The following POM121C variants were observed in gnomAD, a reference collection of about 807,000 sequenced individuals.
POM121C encodes POM121 transmembrane nucleoporin C, also known as nuclear envelope pore membrane protein POM 121C.
A neutral mutation model predicts 66.4 loss-of-function variants in POM121C; 20 were observed. That is an observed-to-expected ratio of 0.30 (90% CI 0.21 to 0.44). POM121C has a LOEUF of 0.44. POM121C is among the 20% of genes least tolerant of loss of function. The pLI is 1.00. For missense variants in POM121C, 580 were observed against 1,225.7 expected, an observed-to-expected ratio of 0.47 and a Z score of 7.87; for synonymous variants, 286 against 528.0, an observed-to-expected ratio of 0.54 and a Z score of 6.28.
intron 13 of POM121C, 123 bp downstream of exon 13, chr7:75,421,386 C>G: frequency 4.0e-6 from 6 of 1,505,650 alleles, no homozygotes; most frequent in Non-Finnish European, 4.4e-6. Context: ...TGGCATCTCA[C>G]TGAGTTCTAT....
chr7:75,460,265 A>G (rs879835049), intron 3 of POM121C, among the ~76,000 whole-genome samples: 26 of 145,456 alleles, frequency 1.8e-4, no homozygotes, highest in African/African-American at 4.4e-4. Flanking sequence ...GCCGAGGCGG[A>G]GGGAATCACT....
At chr7:75,439,086 C>T in intron 6 of POM121C, 58 bp downstream of exon 6, 4 of 1,583,868 alleles carry the variant, frequency 2.5e-6, no homozygotes, top group Non-Finnish European at 3.5e-6. Flanking sequence ...AGGGCAACAG[C>T]TCTGATCAGG....
At chr7:75,424,718 G>C in intron 10 of POM121C, 90 bp from the exon 11 acceptor site, 1 of 1,538,340 alleles carries the variant, frequency 6.5e-7, no homozygotes. Context: ...CAGCACTCTG[G>C]GAGGCCAAGC....
intron 14 of POM121C, 62 bp downstream of exon 14, chr7:75,419,258 G>A: frequency 6.5e-7 from 1 of 1,540,922 alleles, no homozygotes; most frequent in Non-Finnish European, 8.7e-7. Flanking sequence ...CCAGGAGCCT[G>A]CCACCCCACC....
intron 3 of POM121C, among the ~76,000 whole-genome samples, chr7:75,461,285 C>G (rs1222090646): frequency 3.9e-5 from 6 of 152,074 alleles, no homozygotes; most frequent in Non-Finnish European, 7.4e-5. Context: ...AATCAGCAAA[C>G]AATACAATAA....
chr7:75,453,965 T>C (rs1554476022), intron 3 of POM121C, among the ~76,000 whole-genome samples: 1 of 152,232 alleles, frequency 6.6e-6, no homozygotes, highest in Non-Finnish European at 1.5e-5. Context: ...GTCCGGCAGC[T>C]TACTTCTAAG....
chr7:75,458,715 TAC>T (rs1484588740), intron 3 of POM121C, among the ~76,000 whole-genome samples: 1 of 152,046 alleles, frequency 6.6e-6, no homozygotes, highest in Non-Finnish European at 1.5e-5. Context: ...AAACAGGAAC[TAC>T]AGTCTCATAA....
At chr7:75,455,327 G>A (rs1490863495) in intron 3 of POM121C, among the ~76,000 whole-genome samples, 6 of 152,232 alleles carry the variant, frequency 3.9e-5, no homozygotes, top group Non-Finnish European at 7.3e-5. Flanking sequence ...ATGGAGTCTC[G>A]CTCTGTCGCC....
rs782761215 is a variant in POM121C, at chr7:75,441,092, G to A, written c.89C>T (p.Thr30Ile). The A allele has an allele frequency of 1.9e-6, 3 of 1,613,956 alleles. No individual in the cohort carries two copies. The highest frequency in any genetic ancestry group is 2.2e-5 in the South Asian group (2 of 91,072). The change falls in exon 5 of 15, where the codon ACA (threonine) becomes ATA (isoleucine). Residue 30 changes from threonine to isoleucine, a missense_variant. By Grantham distance (89) the Thr-to-Ile change is moderately conservative. Transcript: ENST00000615331. Reference protein sequence around the residue: ...SAIPEQIISSTLSSPSSNAPD... With the variant: ...SAIPEQIISSILSSPSSNAPD... ...GGCATTACTTGATGGTGACGACAGT[G>A]TTGAGCTGATTATCTGCTCTGGTCT...
Position 75,437,543 on chromosome 7 carries a change from G to A in POM121C, c.452C>T (p.Ser151Phe). 6.2e-7 allele frequency: 1 copy of A among 1,613,856 alleles called. No individual in the cohort carries two copies. Among genetic ancestry groups the A allele is most frequent in the African/African-American group, 1.3e-5 (1 of 75,024 alleles). ...PSSSRNAITS[S>F]YSSTRGISQL... Reference sequence around the variant, plus strand: ...TGAGATGCCTCGAGTGGAGCTGTAGGAACTGGTAATGGCATTGCGGCTGGA... The same window carrying A: ...TGAGATGCCTCGAGTGGAGCTGTAGAAACTGGTAATGGCATTGCGGCTGGA... The change falls in exon 7 of 15, where the codon TCC (serine) becomes TTC (phenylalanine). Residue 151 changes from serine to phenylalanine, a missense_variant. Physicochemically the swap from Ser to Phe is radical, Grantham distance 155. Coordinates refer to ENST00000615331, the MANE Select transcript of POM121C (RefSeq NM_001099415.3).
At chr7:75,474,249 C>G (rs1303411338) in intron 3 of POM121C, among the ~76,000 whole-genome samples, 3 of 152,004 alleles carry the variant, frequency 2.0e-5, no homozygotes, top group Non-Finnish European at 4.4e-5. Context: ...CAAAAATTAG[C>G]CAGGCTTGGT....
chr7:75,438,030 G>A (rs1203843783), intron 6 of POM121C, among the ~76,000 whole-genome samples: 1 of 152,074 alleles, frequency 6.6e-6, no homozygotes, highest in Non-Finnish European at 1.5e-5. Context: ...CTTAGTGGTG[G>A]GATGGTTCCA....
chr7:75,459,911 C>T (rs1791389737), intron 3 of POM121C, among the ~76,000 whole-genome samples: 2 of 148,628 alleles, frequency 1.3e-5, no homozygotes, highest in African/African-American at 2.5e-5. Context: ...AAGGTTGATA[C>T]TAGCCAATGA....
chr7:75,440,230 T>C (rs1404438294), intron 5 of POM121C, among the ~76,000 whole-genome samples: 1 of 152,020 alleles, frequency 6.6e-6, no homozygotes, highest in Non-Finnish European at 1.5e-5. Context: ...AACTCTAGTT[T>C]TCATTTTTCT....
chr7:75,429,194 CATT>C (rs1717256841), intron 7 of POM121C, among the ~76,000 whole-genome samples: 1 of 152,206 alleles, frequency 6.6e-6, no homozygotes, highest in Non-Finnish European at 1.5e-5. Context: ...AGGAAAAACT[CATT>C]ATCATAGACA....
intron 3 of POM121C, among the ~76,000 whole-genome samples, chr7:75,451,935 G>A (rs1791036542): frequency 6.7e-6 from 1 of 149,182 alleles, no homozygotes; most frequent in South Asian, 2.1e-4. Context: ...GGGAGGCCAA[G>A]GCAGGTGGAT....
intron 7 of POM121C, among the ~76,000 whole-genome samples, chr7:75,432,917 G>C (rs587644696): frequency 1.2e-4 from 18 of 152,192 alleles, no homozygotes; most frequent in African/African-American, 4.1e-4. Context: ...GGTAATATTT[G>C]CACGTTACCG....
chr7:75,439,107 A>T (rs1396547147), intron 6 of POM121C, 37 bp downstream of exon 6: 2 of 1,610,632 alleles, frequency 1.2e-6, no homozygotes, highest in Non-Finnish European at 1.7e-6. Flanking sequence ...CCTTTTTCCA[A>T]ACAGTTGGTA....
At position 75,416,888 on chromosome 7, in the gene POM121C, T is replaced by C. The variant is rs1789485249; in HGVS notation, c.*1908A>G. ...AGACTCAACAGGAATGAAGTCTCTATTTGTAATGGAAAGTCCCAGCCTCCC... is the reference window on the plus strand; with the variant it reads ...AGACTCAACAGGAATGAAGTCTCTACTTGTAATGGAAAGTCCCAGCCTCCC... On this transcript the variant is annotated 3_prime_UTR_variant, in exon 15 of 15. Transcript: ENST00000615331. 1 of 1,437,108 alleles carries C rather than the reference T, an allele frequency of 7.0e-7. No homozygotes were observed. The highest frequency in any genetic ancestry group is 9.1e-7 in the Non-Finnish European group (1 of 1,100,262). The allele number at this position is 1,437,108 out of a possible 1,614,324, so 89.0% of individuals were successfully genotyped here. A position where few individuals can be genotyped will look rare whatever the true frequency, so the allele number is the denominator to read the frequency against.
Sources: gnomAD v4.1 joint callset for allele counts (sites outside exome capture counted in the v4.1 genomes callset) on GRCh38, gnomAD v4.1.1 for gene constraint, MANE v1.5 for transcripts, NCBI Gene and HGNC (gene_info 2026-07-23, HGNC 2026-07-21) for gene names.